Variants in ZBED3 observed in about 807,000 individuals in gnomAD.
The protein encoded by ZBED3 is zinc finger BED domain-containing protein 3.
For synonymous variants in ZBED3, 175 were observed against 180.0 expected (o/e 0.97, Z 0.22); for missense variants, 388 against 362.9 (o/e 1.07, Z -0.56).
rs1743052265 is a variant in ZBED3, at chr5:77,077,747, T to C, written c.132A>G (p.Pro44=). The C allele has an allele frequency of 7.5e-7, 1 of 1,329,462 alleles. No homozygotes were observed. Among genetic ancestry groups the C allele is most frequent in the Non-Finnish European group, 9.6e-7 (1 of 1,042,982 alleles). The allele number at this position is 1,329,462 out of a possible 1,614,324, so 82.4% of individuals were successfully genotyped here. A position where few individuals can be genotyped will look rare whatever the true frequency, so the allele number is the denominator to read the frequency against. The change falls in exon 3 of 3, where the codon CCA becomes CCG. Residue 44 remains proline, a synonymous_variant. Transcript: ENST00000255198. ...TPTPPGRLGA[P]YSEAWGYFHL... ...GGAAGTAGCCCCAGGCCTCGGAGTA[T>C]GGCGCCCCCAGGCGGCCGGGAGGCG...
rs746201187 is a variant in ZBED3, at chr5:77,077,619, G to C, written c.260C>G (p.Ser87Trp). The change falls in exon 3 of 3, where the codon TCG (serine) becomes TGG (tryptophan). Residue 87 changes from serine to tryptophan, a missense_variant. Transcript: ENST00000255198. ...GCTCCTCAGGTGCCTCCACAACGCCGAGGTCCCCGCGTGGAAGCCCGGGCC... is the reference window on the plus strand; with the variant it reads ...GCTCCTCAGGTGCCTCCACAACGCCCAGGTCCCCGCGTGGAAGCCCGGGCC... ...GRGPGFHAGT[S>W]ALWRHLRSAH... 2.1e-6 allele frequency: 3 copies of C among 1,410,174 alleles called. No homozygotes were observed. The highest frequency in any genetic ancestry group is 6.2e-5 in the East Asian group (2 of 32,022). The allele number at this position is 1,410,174 out of a possible 1,614,324, so 87.4% of individuals were successfully genotyped here. A position where few individuals can be genotyped will look rare whatever the true frequency, so the allele number is the denominator to read the frequency against.
chr5:77,077,490 G>T lies in ZBED3; in HGVS notation c.389C>A (p.Ala130Glu). Residue 130 changes from alanine (A) to glutamate (E), a missense_variant, in exon 3 of 3, where the codon GCG becomes GAG. Transcript: ENST00000255198. Reference sequence around the variant, plus strand: ...CGCGCCCATCTGTTCCAGCAGGCGCGCCCAGTCGCCCTCGGGGGCCGCAGC... The same window carrying T: ...CGCGCCCATCTGTTCCAGCAGGCGCTCCCAGTCGCCCTCGGGGGCCGCAGC... ...GPAAAPEGDW[A>E]RLLEQMGALA... 8.4e-7 allele frequency: 1 copy of T among 1,188,506 alleles called. No homozygotes were observed. Among genetic ancestry groups the T allele is most frequent in the Non-Finnish European group, 1.0e-6 (1 of 963,292 alleles). The allele number at this position is 1,188,506 out of a possible 1,614,324, so 73.6% of individuals were successfully genotyped here.
Position 77,077,227 on chromosome 5 carries a change from C to T in ZBED3, c.652G>A (p.Asp218Asn). ...WAPAAPPPLK[D>N]DPEGDRDGCV... ...CCGTCCCTGTCACCCTCGGGGTCGT[C>T]CTTGAGCGGCGGCGGCGCAGCGGGG... Residue 218 changes from aspartate to asparagine, a missense_variant, in exon 3 of 3, where the codon GAC becomes AAC. Asp to Asn is a conservative substitution (Grantham distance 23). Transcript: ENST00000255198. 1 of 1,493,154 alleles carries T rather than the reference C, an allele frequency of 6.7e-7. No individual in the cohort carries two copies. Among genetic ancestry groups the T allele is most frequent in the Non-Finnish European group, 8.9e-7 (1 of 1,127,080 alleles). 92.5% of individuals were successfully genotyped at this position (1,493,154 alleles called of 1,614,324 possible). A position where few individuals can be genotyped will look rare whatever the true frequency, so the allele number is the denominator to read the frequency against.
chr5:77,084,462 C>G (rs1743197319), intron 1 of ZBED3, among the ~76,000 whole-genome samples: 1 of 151,698 alleles, frequency 6.6e-6, no homozygotes, highest in South Asian at 2.1e-4. Context: ...AAGTGCCTTT[C>G]GCCTTCCGCC....
Position 77,077,701 on chromosome 5 carries a change from C to G in ZBED3, c.178G>C (p.Gly60Arg). Residue 60 changes from glycine to arginine, a missense_variant, in exon 3 of 3, where the codon GGG becomes CGG. By Grantham distance (125) the Gly-to-Arg change is moderately radical. Coordinates refer to ENST00000255198, the MANE Select transcript of ZBED3 (RefSeq NM_032367.4). ...GYFHLAPGRP[G>R]HPSGHWATCR... The stretch of plus-strand genomic sequence containing the variant: ...GTGGCCCAGTGGCCCGACGGATGCC[C>G]GGGGCGCCCCGGCGCCAGGTGGAAG... 1 of 1,345,826 alleles carries G rather than the reference C, an allele frequency of 7.4e-7. No homozygotes were observed. Among genetic ancestry groups the G allele is most frequent in the Non-Finnish European group, 9.5e-7 (1 of 1,053,474 alleles). The allele number at this position is 1,345,826 out of a possible 1,614,324, so 83.4% of individuals were successfully genotyped here.
chr5:77,079,987 T>C (rs866767724), intron 1 of ZBED3, among the ~76,000 whole-genome samples: 4 of 152,236 alleles, frequency 2.6e-5, no homozygotes, highest in Non-Finnish European at 5.9e-5. Flanking sequence ...TTGAATCTGA[T>C]CTTTCCTGAG....
At chr5:77,085,801 C>T (rs1743226057) in intron 1 of ZBED3, among the ~76,000 whole-genome samples, 1 of 152,218 alleles carries the variant, frequency 6.6e-6, no homozygotes, top group Admixed American at 6.5e-5. Flanking sequence ...AGTCTGGAAT[C>T]ACCAGGCTGA....
At chr5:77,080,536 C>T (rs754123823) in intron 1 of ZBED3, 1 of 519,176 alleles carries the variant, frequency 1.9e-6, no homozygotes. Flanking sequence ...TGGAAGGCAG[C>T]ACGGGGCAAA....
rs1343203393 is a variant in ZBED3, at chr5:77,087,215, C to G, written c.-257G>C. The G allele has an allele frequency of 6.6e-6, 1 of 152,304 alleles. No homozygotes were observed. Among genetic ancestry groups the G allele is most frequent in the African/African-American group, 2.4e-5 (1 of 41,472 alleles). 9.4% of individuals were successfully genotyped at this position (152,304 alleles called of 1,614,324 possible). ...TGACATTTTGTCCCGGACGGAAAAC[C>G]TCCGCGCGTGCCCCTTAAAGACACA... On this transcript the variant is annotated 5_prime_UTR_variant, in exon 1 of 3. Coordinates refer to ENST00000255198, the MANE Select transcript of ZBED3 (RefSeq NM_032367.4).
At chr5:77,080,367 T>A in intron 1 of ZBED3, 2 of 424,504 alleles carry the variant, frequency 4.7e-6, no homozygotes, top group South Asian at 3.6e-5. Flanking sequence ...TGAGAAGCAC[T>A]GACTTCGATG....
chr5:77,077,150 TG>T lies in ZBED3; in HGVS notation c.*23del. 1.4e-6 allele frequency: 2 copies of T among 1,406,310 alleles called. No homozygotes were observed. Among genetic ancestry groups the T allele is most frequent in the Non-Finnish European group, 9.3e-7 (1 of 1,080,320 alleles). The allele number at this position is 1,406,310 out of a possible 1,614,324, so 87.1% of individuals were successfully genotyped here. ...GGCATTGGACGGAGAAGCGCTGTCCTGGGGTGGGGAAGTGGCCACACCCCTA... is the reference window on the plus strand; with the variant it reads ...GGCATTGGACGGAGAAGCGCTGTCCTGGGTGGGGAAGTGGCCACACCCCTA... On this transcript the variant is annotated 3_prime_UTR_variant, in exon 3 of 3. Coordinates refer to ENST00000255198, the MANE Select transcript of ZBED3 (RefSeq NM_032367.4).
chr5:77,076,027 ATATATGTATATATG>A lies in ZBED3; in HGVS notation c.*1133_*1146del. 1 of 102,398 alleles carries A rather than the reference ATATATGTATATATG, an allele frequency of 9.8e-6. No individual in the cohort carries two copies. The highest frequency in any genetic ancestry group is 3.5e-5 in the African/African-American group (1 of 28,706). The allele number at this position is 102,398 out of a possible 1,614,324, so 6.3% of individuals were successfully genotyped here. ...TATATATATATGTATATATGTATAT[ATATATGTATATATG>A]TATATATATATATAATATATACACA... is the stretch of plus-strand genomic sequence containing the variant. On this transcript the variant is annotated 3_prime_UTR_variant, in exon 3 of 3. Coordinates refer to ENST00000255198, the MANE Select transcript of ZBED3 (RefSeq NM_032367.4).
chr5:77,078,606 C>T lies in ZBED3; in HGVS notation c.-30G>A, dbSNP rs1743072759. On this transcript the variant is annotated 5_prime_UTR_variant, in exon 2 of 3. Coordinates refer to ENST00000255198, the MANE Select transcript of ZBED3 (RefSeq NM_032367.4). ...TCTAAATTTTTACCTTTAAATTAGA[C>T]AGTGGGTAATTTCCCAAGGATTCTG... The T allele has an allele frequency of 6.6e-6, 1 of 152,152 alleles. No homozygotes were observed. The allele number at this position is 152,152 out of a possible 1,614,324, so 9.4% of individuals were successfully genotyped here. A position where few individuals can be genotyped will look rare whatever the true frequency, so the allele number is the denominator to read the frequency against.
rs1468430853 is a variant in ZBED3, at chr5:77,077,701, C to T, written c.178G>A (p.Gly60Arg). The T allele has an allele frequency of 7.4e-7, 1 of 1,345,826 alleles. No individual in the cohort carries two copies. Among genetic ancestry groups the T allele is most frequent in the Non-Finnish European group, 9.5e-7 (1 of 1,053,474 alleles). The allele number at this position is 1,345,826 out of a possible 1,614,324, so 83.4% of individuals were successfully genotyped here. Reference sequence around the variant, plus strand: ...GTGGCCCAGTGGCCCGACGGATGCCCGGGGCGCCCCGGCGCCAGGTGGAAG... The same window carrying T: ...GTGGCCCAGTGGCCCGACGGATGCCTGGGGCGCCCCGGCGCCAGGTGGAAG... ...GYFHLAPGRPGHPSGHWATCR... is the reference protein window; with the variant it reads ...GYFHLAPGRPRHPSGHWATCR... Residue 60 changes from glycine (G) to arginine (R), a missense_variant, in exon 3 of 3, where the codon GGG (glycine) becomes AGG (arginine). Coordinates refer to ENST00000255198, the MANE Select transcript of ZBED3 (RefSeq NM_032367.4).
chr5:77,077,857 A>G lies in ZBED3; in HGVS notation c.22T>C (p.Cys8Arg). 2 of 1,265,764 alleles carry G rather than the reference A, an allele frequency of 1.6e-6. No individual in the cohort carries two copies. The highest frequency in any genetic ancestry group is 1.5e-5 in the African/African-American group (1 of 64,622). 78.4% of individuals were successfully genotyped at this position (1,265,764 alleles called of 1,614,324 possible). A position where few individuals can be genotyped will look rare whatever the true frequency, so the allele number is the denominator to read the frequency against. ...AGCCCGCGGGCCTGGTCCATGGTGC[A>G]GGCCGGCTCGCCACTCCTCATTCTG... MRSGEPA[C>R]TMDQARGLDD... The change falls in exon 3 of 3, where the codon TGC (cysteine) becomes CGC (arginine). Residue 8 changes from cysteine (C) to arginine (R), a missense_variant. Physicochemically the swap from Cys to Arg is radical, Grantham distance 180 (BLOSUM62 -3). Coordinates refer to ENST00000255198, the MANE Select transcript of ZBED3 (RefSeq NM_032367.4).
chr5:77,077,742 G>C lies in ZBED3; in HGVS notation c.137C>G (p.Ser46Cys), dbSNP rs952348044. The stretch of plus-strand genomic sequence containing the variant: ...CAGGTGGAAGTAGCCCCAGGCCTCG[G>C]AGTATGGCGCCCCCAGGCGGCCGGG... The part of the protein sequence containing the change: ...TPPGRLGAPY[S>C]EAWGYFHLAP... The change falls in exon 3 of 3, where the codon TCC becomes TGC. Residue 46 changes from serine (S) to cysteine (C), a missense_variant. By Grantham distance (112) the Ser-to-Cys change is moderately radical. Transcript: ENST00000255198. 4 of 1,335,508 alleles carry C rather than the reference G, an allele frequency of 3.0e-6. No homozygotes were observed. Among genetic ancestry groups the C allele is most frequent in the Non-Finnish European group, 3.8e-6 (4 of 1,046,350 alleles). 82.7% of individuals were successfully genotyped at this position (1,335,508 alleles called of 1,614,324 possible).
chr5:77,081,970 T>C (rs1743137434), intron 1 of ZBED3, among the ~76,000 whole-genome samples: 1 of 152,118 alleles, frequency 6.6e-6, no homozygotes, highest in Non-Finnish European at 1.5e-5. Flanking sequence ...AATTTCTATA[T>C]TAATTAAAAA....
Position 77,085,901 on chromosome 5 carries a change from A to T in ZBED3, c.-153+1210T>A, listed in dbSNP as rs1743228308. On this transcript the variant is annotated intron_variant, in intron 1 of 2. Coordinates refer to ENST00000255198, the MANE Select transcript of ZBED3 (RefSeq NM_032367.4). ...TAAATGGTAAAATGTGTAAAAATTTAGAAAAAGGTTATATGTGGACTGTAA... is the reference window on the plus strand; with the variant it reads ...TAAATGGTAAAATGTGTAAAAATTTTGAAAAAGGTTATATGTGGACTGTAA... Among the ~76,000 whole-genome samples, 3 of 152,272 alleles carry T rather than the reference A, an allele frequency of 2.0e-5. No individual in the cohort carries two copies. The South Asian group carries it at 6.2e-4, about 31-fold the overall frequency.
Position 77,077,116 on chromosome 5 carries a change from GA to G in ZBED3, c.*57del, listed in dbSNP as rs1396703297. ...TACGGCTTCGGTCCCAGCGGGGTCT[GA>G]AGGCATTGGCATTGGACGGAGAAGC... On this transcript the variant is annotated 3_prime_UTR_variant, in exon 3 of 3. Transcript: ENST00000255198. The G allele has an allele frequency of 2.4e-6, 3 of 1,261,018 alleles. No homozygotes were observed. Among genetic ancestry groups the G allele is most frequent in the Admixed American group, 3.9e-5 (1 of 25,566 alleles). 78.1% of individuals were successfully genotyped at this position (1,261,018 alleles called of 1,614,324 possible). A position where few individuals can be genotyped will look rare whatever the true frequency, so the allele number is the denominator to read the frequency against.
Sources: gnomAD v4.1 joint callset for allele counts (sites outside exome capture counted in the v4.1 genomes callset) on GRCh38, gnomAD v4.1.1 for gene constraint, MANE v1.5 for transcripts, NCBI Gene and HGNC (gene_info 2026-07-23, HGNC 2026-07-21) for gene names.